The following PTPRN2 variants were observed in gnomAD, a reference collection of about 807,000 sequenced individuals.
PTPRN2 encodes receptor-type tyrosine-protein phosphatase N2.
A neutral mutation model predicts 118.8 loss-of-function variants in PTPRN2; 74 were observed. That is an observed-to-expected ratio of 0.62 (90% CI 0.52 to 0.76). The LOEUF (loss-of-function observed/expected upper bound fraction) is 0.76. PTPRN2 is among the 30% of genes least tolerant of loss of function. The pLI is 0.00. For missense variants in PTPRN2, 1,481 were observed against 1,394.4 expected, an observed-to-expected ratio of 1.06 and a Z score of -0.99; for synonymous variants, 641 against 608.0, an observed-to-expected ratio of 1.05 and a Z score of -0.80.
At chr7:157,649,256 ACTGT>A (rs1805436689) in intron 14 of PTPRN2, among the ~76,000 whole-genome samples, 1 of 95,472 alleles carries the variant, frequency 1.0e-5, no homozygotes, top group African/African-American at 3.5e-5. Flanking sequence ...GGACCCATTC[ACTGT>A]GCACTGAACT....
At chr7:158,224,742 T>G (rs1828622304) in intron 3 of PTPRN2, among the ~76,000 whole-genome samples, 1 of 152,172 alleles carries the variant, frequency 6.6e-6, no homozygotes, top group African/African-American at 2.4e-5. Flanking sequence ...TTCATCAAAA[T>G]TAAAAACTTT....
In PTPRN2 at chr7:157,611,737, CGG is replaced by C. The variant is rs1802353916; in HGVS notation, c.2345-7664_2345-7663del. Among the ~76,000 whole-genome samples the C allele has an allele frequency of 6.7e-6, 1 of 148,288 alleles. No individual in the cohort carries two copies. The highest frequency in any genetic ancestry group is 2.5e-5 in the African/African-American group (1 of 39,874). ...CAGCCGCGGTCATGCTGGGGACACGCGGAGGGAGCGCGCCCGTGTGAAGACGA... is the reference window on the plus strand; with the variant it reads ...CAGCCGCGGTCATGCTGGGGACACGCAGGGAGCGCGCCCGTGTGAAGACGA... On this transcript the variant is annotated intron_variant, in intron 15 of 22. Transcript: ENST00000389418. The surrounding 1 kb of genome is among the most constrained non-coding windows in gnomAD (Gnocchi z 5.9).
chr7:157,811,332 T>TATATATATATA (rs1806024856), intron 12 of PTPRN2, among the ~76,000 whole-genome samples: 2 of 131,296 alleles, frequency 1.5e-5, no homozygotes, highest in Non-Finnish European at 1.6e-5. Context: ...ATCTACTCTA[T>TATATATATATA]TATATATATA....
intron 1 of PTPRN2, among the ~76,000 whole-genome samples, chr7:158,521,801 G>GGA (rs1824103172): frequency 9.2e-5 from 1 of 10,908 alleles, no homozygotes; most frequent in Non-Finnish European, 1.7e-4. Flanking sequence ...CTGTCCAGGT[G>GGA]CTGGCTCGGG....
intron 11 of PTPRN2, among the ~76,000 whole-genome samples, chr7:157,985,291 G>A (rs541295084): frequency 5.9e-5 from 9 of 152,184 alleles, no homozygotes; most frequent in African/African-American, 2.2e-4. Flanking sequence ...CCAATTTATC[G>A]GTCTAAACTA....
intron 4 of PTPRN2, among the ~76,000 whole-genome samples, chr7:158,196,727 C>T (rs565808335): frequency 3.3e-5 from 5 of 152,252 alleles, no homozygotes; most frequent in African/African-American, 7.2e-5. Flanking sequence ...CCAGTGCCCC[C>T]GATGCCAGTG....
chr7:158,429,736 T>G (rs1419496977), intron 2 of PTPRN2, among the ~76,000 whole-genome samples: 1 of 152,216 alleles, frequency 6.6e-6, no homozygotes, highest in Non-Finnish European at 1.5e-5. Context: ...CATGGCTTTT[T>G]TATTAAATGC....
intron 12 of PTPRN2, among the ~76,000 whole-genome samples, chr7:157,734,470 T>C (rs942876673): frequency 9.2e-5 from 14 of 152,234 alleles, no homozygotes; most frequent in African/African-American, 3.4e-4. Context: ...TGCTTGAATA[T>C]AATGAGTCTA....
chr7:158,160,717 C>T (rs982709547), intron 6 of PTPRN2, among the ~76,000 whole-genome samples: 2 of 152,164 alleles, frequency 1.3e-5, no homozygotes, highest in Non-Finnish European at 2.9e-5. Flanking sequence ...AATTACCAAG[C>T]AGAGGGACAT....
At chr7:157,588,891 C>T (rs1049621465) in intron 17 of PTPRN2, among the ~76,000 whole-genome samples, 5 of 130,200 alleles carry the variant, frequency 3.8e-5, no homozygotes, top group African/African-American at 1.5e-4. Flanking sequence ...CCTTATGGCT[C>T]TCTGGGCCAC....
intron 12 of PTPRN2, among the ~76,000 whole-genome samples, chr7:157,849,710 C>G (rs537249262): frequency 6.6e-6 from 1 of 152,342 alleles, no homozygotes; most frequent in South Asian, 2.1e-4. Context: ...AGCCTAGGAT[C>G]CACTATCCAG....
At chr7:158,136,766 G>A in intron 7 of PTPRN2, 71 bp from the exon 8 acceptor site, 3 of 1,484,154 alleles carry the variant, frequency 2.0e-6, no homozygotes, top group Non-Finnish European at 2.8e-6. Context: ...GACATAAAAA[G>A]GGTGACCCTG....
intron 3 of PTPRN2, among the ~76,000 whole-genome samples, chr7:158,285,771 G>A (rs185872443): frequency 7.2e-5 from 11 of 152,308 alleles, no homozygotes; most frequent in South Asian, 4.1e-4. Flanking sequence ...GGCTAACTCC[G>A]GCAAAACCTC....
intron 12 of PTPRN2, among the ~76,000 whole-genome samples, chr7:157,722,216 C>T (rs552588349): frequency 5.3e-5 from 8 of 152,336 alleles, no homozygotes; most frequent in South Asian, 2.1e-4. Flanking sequence ...GGTGGGAAGA[C>T]GGGTGAGACC....
intron 9 of PTPRN2, among the ~76,000 whole-genome samples, chr7:158,130,870 C>A (rs1563478471): frequency 6.7e-6 from 1 of 149,850 alleles, no homozygotes; most frequent in South Asian, 2.1e-4. Context: ...CACTCATATA[C>A]ACGCATGCAT....
At chr7:158,147,654 T>G (rs62480219) in intron 6 of PTPRN2, among the ~76,000 whole-genome samples, 1 of 32,548 alleles carries the variant, frequency 3.1e-5, no homozygotes, top group Non-Finnish European at 6.2e-5. Context: ...CCCCATCTCA[T>G]GCCACGTGTC....
At chr7:158,332,428 C>A (rs1343585552) in intron 2 of PTPRN2, among the ~76,000 whole-genome samples, 1 of 150,716 alleles carries the variant, frequency 6.6e-6, no homozygotes, top group African/African-American at 2.5e-5. Flanking sequence ...GAGCTGACAC[C>A]TGCAGACGTC....
At chr7:158,171,951 C>G (rs1178216280) in intron 5 of PTPRN2, among the ~76,000 whole-genome samples, 1 of 152,188 alleles carries the variant, frequency 6.6e-6, no homozygotes, top group East Asian at 1.9e-4. Flanking sequence ...TGCATGAAGT[C>G]TTCAAACTAT....
chr7:157,954,395 G>T (rs1028572558), intron 11 of PTPRN2, among the ~76,000 whole-genome samples: 4 of 150,420 alleles, frequency 2.7e-5, no homozygotes, highest in African/African-American at 9.8e-5. Context: ...TATGTGGGTG[G>T]TGCCTGTGTA....
Sources: gnomAD v4.1 joint callset for allele counts (sites outside exome capture counted in the v4.1 genomes callset) on GRCh38, gnomAD v4.1.1 for gene constraint, Gnocchi (gnomAD v3.1) non-coding constraint, MANE v1.5 for transcripts, NCBI Gene and HGNC (gene_info 2026-07-23, HGNC 2026-07-21) for gene names.